Variants in SLCO1A2 observed in about 807,000 individuals in gnomAD.
SLCO1A2 encodes solute carrier organic anion transporter family member 1A2.
A neutral mutation model predicts 69.0 loss-of-function variants in SLCO1A2; 67 were observed. That is an observed-to-expected ratio of 0.97 (90% confidence interval 0.80 to 1.19). The LOEUF is 1.19. Among genes scored for constraint, SLCO1A2 ranks in the 50% most tolerant of loss-of-function variants. SLCO1A2 has a pLI of 0.00. For synonymous variants in SLCO1A2, 260 were observed against 265.9 expected, an observed-to-expected ratio of 0.98 and a Z score of 0.22; for missense variants, 787 against 793.7, an observed-to-expected ratio of 0.99 and a Z score of 0.10.
intron 1 of SLCO1A2, among the ~76,000 whole-genome samples, chr12:21,391,271 AG>A (rs1941137736): frequency 6.6e-6 from 1 of 152,188 alleles, no homozygotes; most frequent in Non-Finnish European, 1.5e-5. Flanking sequence ...CCATTTATAG[AG>A]GAGCCCAAAT....
chr12:21,416,576 G>C (rs1190065053), intron 1 of SLCO1A2, among the ~76,000 whole-genome samples: 4 of 151,962 alleles, frequency 2.6e-5, no homozygotes, highest in Non-Finnish European at 5.9e-5. Context: ...AGGGTGTCAT[G>C]CTTGGTTTAA....
At chr12:21,396,513 T>C (rs1248983417), upstream of SLCO1A2, among the ~76,000 whole-genome samples, 1 of 148,982 alleles carries the variant, frequency 6.7e-6, no homozygotes, top group Non-Finnish European at 1.5e-5. Flanking sequence ...ATTCAGGAAA[T>C]ACAGAGAACG....
At chr12:21,306,609 G>C (rs1174976515) in intron 5 of SLCO1A2, among the ~76,000 whole-genome samples, 1 of 152,190 alleles carries the variant, frequency 6.6e-6, no homozygotes, top group East Asian at 1.9e-4. Flanking sequence ...TTACAGGCGT[G>C]AGCCACTGCA....
intron 3 of SLCO1A2, among the ~76,000 whole-genome samples, chr12:21,316,589 CATA>C (rs1950898474): frequency 6.9e-6 from 1 of 144,364 alleles, no homozygotes; most frequent in Non-Finnish European, 1.5e-5. Flanking sequence ...CTTTGTTTTT[CATA>C]ATACCATTTT....
chr12:21,328,887 C>T (rs1411786761), intron 2 of SLCO1A2, among the ~76,000 whole-genome samples: 1 of 152,142 alleles, frequency 6.6e-6, no homozygotes, highest in Non-Finnish European at 1.5e-5. Context: ...GGGAGAATAT[C>T]CCAGTTATAA....
At chr12:21,285,292 C>A (rs1229826884) in intron 12 of SLCO1A2, among the ~76,000 whole-genome samples, 2 of 152,136 alleles carry the variant, frequency 1.3e-5, no homozygotes, top group Admixed American at 6.5e-5. Flanking sequence ...CATACACTCT[C>A]CCAAGACTAA....
intron 1 of SLCO1A2, among the ~76,000 whole-genome samples, chr12:21,394,502 A>G (rs1941324613): frequency 6.6e-6 from 1 of 150,480 alleles, no homozygotes; most frequent in South Asian, 2.1e-4. Flanking sequence ...TGATCGTACC[A>G]CCACACTCCA....
At chr12:21,349,508 C>G (rs929491125) in intron 2 of SLCO1A2, among the ~76,000 whole-genome samples, 2 of 152,134 alleles carry the variant, frequency 1.3e-5, no homozygotes, top group Non-Finnish European at 1.5e-5. Context: ...TCTGGGCTCC[C>G]CATACGTATC....
At chr12:21,394,366 T>TACACACACAC (rs71043268) in intron 1 of SLCO1A2, among the ~76,000 whole-genome samples, 1 of 147,504 alleles carries the variant, frequency 6.8e-6, no homozygotes, top group Admixed American at 6.8e-5. Flanking sequence ...ACCACATCTT[T>TACACACACAC]ACACACACAC....
intron 9 of SLCO1A2, 43 bp downstream of exon 9, chr12:21,297,361 G>C (rs11568577): frequency 1.5e-5 from 23 of 1,523,210 alleles, no homozygotes; most frequent in African/African-American, 8.3e-5. Flanking sequence ...CACTGTTCGT[G>C]GGGGGGAAAG....
chr12:21,339,144 A>G (rs1368230865), upstream of SLCO1A2, among the ~76,000 whole-genome samples: 1 of 152,016 alleles, frequency 6.6e-6, no homozygotes, highest in Non-Finnish European at 1.5e-5. Flanking sequence ...AGTGATTACT[A>G]CTCATTTATT....
upstream of SLCO1A2, among the ~76,000 whole-genome samples, chr12:21,396,231 GC>G (rs1386532242): frequency 6.0e-5 from 9 of 151,236 alleles, no homozygotes; most frequent in African/African-American, 1.7e-4. Context: ...GAATGCAGAA[GC>G]CTCAGGAGCC....
intron 2 of SLCO1A2, among the ~76,000 whole-genome samples, chr12:21,319,135 A>C (rs1452891402): frequency 6.6e-6 from 1 of 152,206 alleles, no homozygotes; most frequent in Non-Finnish European, 1.5e-5. Context: ...TTTTGTAGGC[A>C]GTTGCAGCCT....
chr12:21,346,327 A>G (rs1405786416), intron 2 of SLCO1A2, among the ~76,000 whole-genome samples: 1 of 152,138 alleles, frequency 6.6e-6, no homozygotes, highest in African/African-American at 2.4e-5. Context: ...ATCTTCGAAG[A>G]ACTCACCCAC....
At chr12:21,378,526 T>A (rs1437180853) in intron 1 of SLCO1A2, 2 of 1,002,538 alleles carry the variant, frequency 2.0e-6, no homozygotes, top group Admixed American at 3.6e-5. Context: ...ATGGTCTGTG[T>A]GTCTGATGTT....
intron 4 of SLCO1A2, chr12:21,311,883 G>GGCGTGGTGGTAGACGCCCGTAAT: frequency 6.6e-6 from 1 of 152,128 alleles, no homozygotes; most frequent in African/African-American, 2.4e-5. Flanking sequence ...CTGAGATCAC[G>GGCGTGGTGGTAGACGCCCGTAAT]CCACTGCACT....
At chr12:21,342,198 C>T (rs80095481) in intron 2 of SLCO1A2, among the ~76,000 whole-genome samples, 1 of 152,008 alleles carries the variant, frequency 6.6e-6, no homozygotes, top group South Asian at 2.1e-4. Flanking sequence ...ACATTTCTCT[C>T]AAGATTGCCT....
intron 1 of SLCO1A2, among the ~76,000 whole-genome samples, chr12:21,377,769 T>C (rs1400954432): frequency 6.6e-6 from 1 of 152,244 alleles, no homozygotes; most frequent in Non-Finnish European, 1.5e-5. Context: ...ACACTCCTGA[T>C]TCAATTATCT....
At chr12:21,333,565 A>G (rs570184185) in intron 2 of SLCO1A2, among the ~76,000 whole-genome samples, 2 of 152,278 alleles carry the variant, frequency 1.3e-5, no homozygotes, top group African/African-American at 4.8e-5. Flanking sequence ...TTGTGCTTAC[A>G]GCATTTTGTC....
Sources: gnomAD v4.1 joint callset for allele counts (sites outside exome capture counted in the v4.1 genomes callset) on GRCh38, gnomAD v4.1.1 for gene constraint, MANE v1.5 for transcripts, NCBI Gene and HGNC (gene_info 2026-07-23, HGNC 2026-07-21) for gene names.